Variants in DCAF1 observed in about 807,000 individuals in gnomAD.
DCAF1 encodes the protein DDB1- and CUL4-associated factor 1.
In DCAF1, 15 loss-of-function variants were observed where a neutral mutation model predicts 128.0. The ratio of observed to expected loss-of-function variants is 0.12; its 90% confidence interval spans 0.08 to 0.18. The LOEUF (loss-of-function observed/expected upper bound fraction) is 0.18. DCAF1 is among the 10% of genes least tolerant of loss of function. The probability of loss-of-function intolerance (pLI) is 1.00; values close to 1 mark genes in which losing one functional copy is unlikely to be tolerated. For missense variants in DCAF1, 988 were observed against 1,649.5 expected (o/e 0.60, Z 6.95); for synonymous variants, 610 against 603.0 (o/e 1.01, Z -0.17).
chr3:51,447,137 T>TGGATTACA (rs1701952477), intron 6 of DCAF1, among the ~76,000 whole-genome samples: 1 of 152,074 alleles, frequency 6.6e-6, no homozygotes, highest in African/African-American at 2.4e-5. Flanking sequence ...CTGGGCATGG[T>TGGATTACA]GGCTCATGCC....
chr3:51,408,262 T>G (rs1399440207), intron 23 of DCAF1, among the ~76,000 whole-genome samples: 3 of 152,352 alleles, frequency 2.0e-5, no homozygotes, highest in African/African-American at 7.2e-5. Flanking sequence ...ATGTCAATTA[T>G]ATCTCGATAA....
intron 6 of DCAF1, among the ~76,000 whole-genome samples, chr3:51,446,960 C>CAAAAAAAAA (rs1340682184): frequency 4.6e-5 from 1 of 21,550 alleles, no homozygotes; most frequent in African/African-American, 2.2e-4. Flanking sequence ...AACTTTGTCT[C>CAAAAAAAAA]AAAAATAATA....
At chr3:51,466,920 T>C in intron 4 of DCAF1, 44 bp from the exon 5 acceptor site, 1 of 1,592,770 alleles carries the variant, frequency 6.3e-7, no homozygotes, top group Non-Finnish European at 8.6e-7. Context: ...AATGAGTAAG[T>C]CATCCCAGTC....
At chr3:51,500,039 CCGCGCGCGCGCGCTCGCGCCTACTT>C (rs1708702134), upstream of DCAF1, 1 of 147,064 alleles carries the variant, frequency 6.8e-6, no homozygotes, top group Non-Finnish European at 1.5e-5. Context: ...GCTACGTGCA[CCGCGCGCGCGCGCTCGCGCCTACTT>C]GGCGCGAGGA....
intron 23 of DCAF1, among the ~76,000 whole-genome samples, chr3:51,410,234 G>A (rs1186173151): frequency 1.3e-5 from 2 of 152,154 alleles, no homozygotes; most frequent in African/African-American, 4.8e-5. Flanking sequence ...CCACACAAGA[G>A]TCTCCTCACT....
chr3:51,425,992 G>A (rs1046463073), intron 13 of DCAF1, among the ~76,000 whole-genome samples: 65 of 152,232 alleles, frequency 4.3e-4, no homozygotes, highest in African/African-American at 1.2e-3. Flanking sequence ...AAGGTCCTGT[G>A]AAGTCAAAGC....
rs1553631694 is a variant in DCAF1, at chr3:51,419,804, G to A, written c.3166C>T (p.Arg1056Cys). 1.9e-6 allele frequency: 3 copies of A among 1,613,926 alleles called. No individual in the cohort carries two copies. Among genetic ancestry groups the A allele is most frequent in the East Asian group, 2.2e-5 (1 of 44,898 alleles). ...CCATACTTTGGAAATGATGCCCTGCGGTTTAGCCTTGACGTAAAGTTTATT... is the reference window on the plus strand; with the variant it reads ...CCATACTTTGGAAATGATGCCCTGCAGTTTAGCCTTGACGTAAAGTTTATT... ...APINFTSRLN[R>C]RASFPKYGGV... Residue 1056 changes from arginine (R) to cysteine (C), a missense_variant, in exon 15 of 25, where the codon CGC (arginine) becomes TGC (cysteine). Transcript: ENST00000684031.
chr3:51,495,094 G>A lies in DCAF1; in HGVS notation c.-9+1640C>T, dbSNP rs191773747. ...TCCCTGCACTTTGGGAGGCCAATGCGGGTGTATCATCTGAGGTCAGGAGCT... is the reference window on the plus strand; with the variant it reads ...TCCCTGCACTTTGGGAGGCCAATGCAGGTGTATCATCTGAGGTCAGGAGCT... On this transcript the variant is annotated intron_variant, in intron 2 of 24. Transcript: ENST00000684031. Among the ~76,000 whole-genome samples the A allele has an allele frequency of 1.6e-3, 232 of 148,240 alleles. 1 individual carries two copies. Among genetic ancestry groups the A allele is most frequent in the Non-Finnish European group, 2.6e-3 (174 of 66,902 alleles).
chr3:51,445,732 G>A (rs1553640079), intron 6 of DCAF1, among the ~76,000 whole-genome samples: 1 of 152,146 alleles, frequency 6.6e-6, no homozygotes, highest in Non-Finnish European at 1.5e-5. Context: ...TTTACTAGAT[G>A]AGGCCAAATT....
At chr3:51,397,358 C>T (rs1013999897), downstream of DCAF1, 5 of 167,070 alleles carry the variant, frequency 3.0e-5, no homozygotes, top group Admixed American at 6.5e-5. Flanking sequence ...TTTCTACAAA[C>T]GCAGACAAGC....
chr3:51,479,074 G>A, intron 3 of DCAF1, among the ~76,000 whole-genome samples: 1 of 152,104 alleles, frequency 6.6e-6, no homozygotes, highest in South Asian at 2.1e-4. Context: ...GAAAACCCAT[G>A]AGCACCCCTC....
chr3:51,475,499 T>G (rs1464416198), intron 3 of DCAF1, among the ~76,000 whole-genome samples: 2 of 152,072 alleles, frequency 1.3e-5, no homozygotes, highest in African/African-American at 4.8e-5. Context: ...TCCCTGCTAC[T>G]CAGGAGACTG....
intron 3 of DCAF1, among the ~76,000 whole-genome samples, chr3:51,473,743 A>G (rs1295475549): frequency 3.3e-5 from 5 of 151,780 alleles, no homozygotes; most frequent in African/African-American, 9.7e-5. Flanking sequence ...CCTGGGCTCA[A>G]GCCCACCCTG....
At chr3:51,411,303 T>A (rs1459430994) in intron 23 of DCAF1, among the ~76,000 whole-genome samples, 2 of 152,178 alleles carry the variant, frequency 1.3e-5, no homozygotes, top group Admixed American at 1.3e-4. Context: ...CAAATCCTAG[T>A]CATTCATTTT....
At chr3:51,455,789 T>C (rs1553642654) in intron 6 of DCAF1, among the ~76,000 whole-genome samples, 1 of 151,730 alleles carries the variant, frequency 6.6e-6, no homozygotes, top group Non-Finnish European at 1.5e-5. Flanking sequence ...CCCAGCTACT[T>C]GGGAGGCTGA....
chr3:51,445,991 T>C (rs375028378), intron 6 of DCAF1, among the ~76,000 whole-genome samples: 79 of 145,962 alleles, frequency 5.4e-4, no homozygotes, highest in African/African-American at 1.9e-3. Context: ...CCTAAGTTCT[T>C]TTTTTTTTTT....
At chr3:51,402,416 G>A (rs1457928190) in intron 24 of DCAF1, among the ~76,000 whole-genome samples, 1 of 152,080 alleles carries the variant, frequency 6.6e-6, no homozygotes, top group Non-Finnish European at 1.5e-5. Context: ...AGCAGGAGTT[G>A]ACAAACTACA....
chr3:51,396,736 T>C (rs2089230058), downstream of DCAF1: 1 of 167,108 alleles, frequency 6.0e-6, no homozygotes, highest in Admixed American at 6.5e-5. Flanking sequence ...GAATTCTGCC[T>C]CCCTGTTATA....
chr3:51,399,095 TCAAG>T (rs374441326), intron 24 of DCAF1, among the ~76,000 whole-genome samples: 1 of 152,162 alleles, frequency 6.6e-6, no homozygotes, highest in Admixed American at 6.5e-5. Flanking sequence ...GCTGAAGGGA[TCAAG>T]CGAGTGCCAT....
Sources: gnomAD v4.1 joint callset for allele counts (sites outside exome capture counted in the v4.1 genomes callset) on GRCh38, gnomAD v4.1.1 for gene constraint, MANE v1.5 for transcripts, NCBI Gene and HGNC (gene_info 2026-07-23, HGNC 2026-07-21) for gene names.